The following RBFOX1 variants were observed in gnomAD, a reference collection of about 807,000 sequenced individuals.
RBFOX1 encodes RNA binding protein fox-1 homolog 1.
Under a neutral mutation model 57.7 loss-of-function variants are expected in RBFOX1, and 8 were observed. The ratio of observed to expected loss-of-function variants is 0.14; its 90% confidence interval spans 0.08 to 0.25. The LOEUF (loss-of-function observed/expected upper bound fraction) is 0.25. RBFOX1 is among the 10% of genes least tolerant of loss of function. The probability of loss-of-function intolerance (pLI) is 1.00; values close to 1 mark genes in which losing one functional copy is unlikely to be tolerated. For synonymous variants in RBFOX1, 326 were observed against 222.4 expected (o/e 1.47, Z -4.15); for missense variants, 611 against 548.5 (o/e 1.11, Z -1.14).
chr16:6,550,837 C>T (rs1040382456), intron 2 of RBFOX1, among the ~76,000 whole-genome samples: 3 of 152,216 alleles, frequency 2.0e-5, no homozygotes, highest in Non-Finnish European at 4.4e-5. Flanking sequence ...TTGATTAGAA[C>T]AATGCCTGGC....
intron 1 of RBFOX1, among the ~76,000 whole-genome samples, chr16:5,417,037 G>C (rs896083614): frequency 5.3e-5 from 8 of 152,136 alleles, no homozygotes; most frequent in Non-Finnish European, 1.2e-4. Context: ...AGATTCAGTA[G>C]AACAACAACA....
chr16:6,849,393 G>C (rs951162045), intron 3 of RBFOX1, among the ~76,000 whole-genome samples: 2 of 152,212 alleles, frequency 1.3e-5, no homozygotes, highest in Admixed American at 1.3e-4. Flanking sequence ...GCCTGGCTGG[G>C]TGTGGTGGCT....
At chr16:6,553,453 A>G (rs541273591) in intron 2 of RBFOX1, among the ~76,000 whole-genome samples, 2 of 152,332 alleles carry the variant, frequency 1.3e-5, no homozygotes, top group Admixed American at 1.3e-4. Context: ...ATAATTGGCA[A>G]GGGAAACATG....
chr16:6,585,064 G>C (rs1189808293), intron 2 of RBFOX1, among the ~76,000 whole-genome samples: 1 of 152,266 alleles, frequency 6.6e-6, no homozygotes, highest in Middle Eastern at 3.4e-3. Context: ...TCTTCTCTGA[G>C]ACACAGAGAG....
At chr16:7,519,594 C>A in intron 5 of RBFOX1, 1 of 479,090 alleles carries the variant, frequency 2.1e-6, no homozygotes, top group Non-Finnish European at 2.7e-6. Flanking sequence ...TGTGTGCCAC[C>A]TAAAGTAATC....
At chr16:5,587,564 T>C (rs992791109) in intron 2 of RBFOX1, among the ~76,000 whole-genome samples, 4 of 152,044 alleles carry the variant, frequency 2.6e-5, no homozygotes, top group Non-Finnish European at 5.9e-5. Flanking sequence ...AATACAAAAA[T>C]TGGCCAGGCC....
chr16:5,611,705 C>CCCATCCGTCTATCCATCCAT (rs772335203), intron 3 of RBFOX1, among the ~76,000 whole-genome samples: 1 of 100,128 alleles, frequency 1.0e-5, no homozygotes, highest in African/African-American at 5.1e-5. Context: ...CACCCACTCT[C>CCCATCCGTCTATCCATCCAT]CCATCCATCC....
At chr16:7,365,804 A>C (rs2097432501) in intron 4 of RBFOX1, among the ~76,000 whole-genome samples, 1 of 152,226 alleles carries the variant, frequency 6.6e-6, no homozygotes, top group South Asian at 2.1e-4. Flanking sequence ...ATGACTCAAC[A>C]GGGAAGATAC....
chr16:6,930,468 G>T (rs137957547), intron 3 of RBFOX1, among the ~76,000 whole-genome samples: 1 of 152,094 alleles, frequency 6.6e-6, no homozygotes, highest in East Asian at 1.9e-4. Context: ...GGAGCGCAGT[G>T]GTGTGATCTC....
chr16:6,227,996 T>A (rs561969784), intron 1 of RBFOX1, among the ~76,000 whole-genome samples: 1 of 152,240 alleles, frequency 6.6e-6, no homozygotes, highest in African/African-American at 2.4e-5. Context: ...CTCCTGTGTT[T>A]ATTGCAGCAC....
intron 4 of RBFOX1, among the ~76,000 whole-genome samples, chr16:5,969,724 A>T (rs535403608): frequency 6.6e-5 from 10 of 151,842 alleles, no homozygotes; most frequent in South Asian, 2.1e-4. Flanking sequence ...CTTTTCATGT[A>T]GTTTTAAAAA....
intron 2 of RBFOX1, among the ~76,000 whole-genome samples, chr16:6,435,924 C>T (rs555196046): frequency 4.2e-4 from 64 of 152,222 alleles, no homozygotes; most frequent in African/African-American, 1.5e-3. Context: ...TCTGTTGCAT[C>T]GTTTTCCCAC....
intron 3 of RBFOX1, among the ~76,000 whole-genome samples, chr16:5,662,962 A>G (rs1191476534): frequency 1.3e-5 from 2 of 152,212 alleles, no homozygotes; most frequent in African/African-American, 4.8e-5. Context: ...CATGTTATCT[A>G]TGATTATCTG....
intron 14 of RBFOX1, among the ~76,000 whole-genome samples, chr16:7,686,220 G>A (rs2076034737): frequency 6.6e-6 from 1 of 151,904 alleles, no homozygotes; most frequent in African/African-American, 2.4e-5. Flanking sequence ...TGTGGAAACG[G>A]GTTTTATGAG....
chr16:7,171,906 A>C (rs146255951), intron 4 of RBFOX1, among the ~76,000 whole-genome samples: 1 of 152,142 alleles, frequency 6.6e-6, no homozygotes, highest in Non-Finnish European at 1.5e-5. Context: ...TTAAGAGAGG[A>C]TATATCCTCA....
chr16:5,621,236 C>A (rs904201046), intron 3 of RBFOX1, among the ~76,000 whole-genome samples: 1 of 152,172 alleles, frequency 6.6e-6, no homozygotes, highest in Non-Finnish European at 1.5e-5. Flanking sequence ...CTCAACCTCC[C>A]AAAGTACTGG....
chr16:7,397,860 T>A (rs2098168069), intron 4 of RBFOX1, among the ~76,000 whole-genome samples: 1 of 152,176 alleles, frequency 6.6e-6, no homozygotes, highest in Admixed American at 6.5e-5. Flanking sequence ...CCTCTTAGTC[T>A]ATTGGAACCT....
chr16:6,972,253 C>G (rs13334659), intron 3 of RBFOX1, among the ~76,000 whole-genome samples: 5,446 of 152,156 alleles, frequency 0.036, 310 homozygotes, highest in African/African-American at 0.12. Context: ...ACTCCCCTTT[C>G]TCCCTCTCCC....
chr16:7,047,403 G>A (rs144750919), intron 3 of RBFOX1, among the ~76,000 whole-genome samples: 11 of 151,974 alleles, frequency 7.2e-5, no homozygotes, highest in African/African-American at 2.7e-4. Context: ...GTTTAGTTTG[G>A]ATTTTGTTTT....
Sources: allele counts gnomAD v4.1 joint callset (sites outside exome capture counted in the v4.1 genomes callset), GRCh38; gene constraint gnomAD v4.1.1; transcripts MANE v1.5; gene names NCBI Gene and HGNC (gene_info 2026-07-23, HGNC 2026-07-21).